Variants in CSMD1 observed in about 807,000 individuals in gnomAD.
CSMD1 encodes CUB and Sushi multiple domains 1.
A neutral mutation model predicts 417.5 loss-of-function variants in CSMD1; 213 were observed. That is an observed-to-expected ratio of 0.51 (90% confidence interval 0.46 to 0.57). The LOEUF (loss-of-function observed/expected upper bound fraction) is 0.57. Ranked by LOEUF, CSMD1 falls within the 20% of genes least tolerant of loss-of-function variation. The pLI is 0.00. For synonymous variants in CSMD1, 2,862 were observed against 1,736.8 expected (o/e 1.65, Z -16.11); for missense variants, 6,923 against 4,529.7 (o/e 1.53, Z -15.17).
At chr8:4,243,398 C>G (rs919975973) in intron 3 of CSMD1, among the ~76,000 whole-genome samples, 1 of 152,122 alleles carries the variant, frequency 6.6e-6, no homozygotes, top group Non-Finnish European at 1.5e-5. Flanking sequence ...GAGAGAATGA[C>G]TCATCCTCTA....
At chr8:3,126,675 C>T (rs899673657) in intron 41 of CSMD1, among the ~76,000 whole-genome samples, 5 of 152,194 alleles carry the variant, frequency 3.3e-5, no homozygotes, top group African/African-American at 1.2e-4. Context: ...CCAAGGATAT[C>T]ACCCTGGTTC....
At chr8:3,920,652 C>T (rs1451915677) in intron 5 of CSMD1, among the ~76,000 whole-genome samples, 1 of 152,024 alleles carries the variant, frequency 6.6e-6, no homozygotes, top group Non-Finnish European at 1.5e-5. Context: ...TATATTCCTT[C>T]AACACATAAT....
intron 50 of CSMD1, among the ~76,000 whole-genome samples, chr8:3,037,065 CA>C (rs1354718562): frequency 6.6e-6 from 1 of 152,176 alleles, no homozygotes; most frequent in Non-Finnish European, 1.5e-5. Context: ...AAAGTGAGAA[CA>C]TAACGATATT....
At chr8:4,524,590 T>G (rs1353473970) in intron 2 of CSMD1, among the ~76,000 whole-genome samples, 1 of 124,900 alleles carries the variant, frequency 8.0e-6, no homozygotes, top group East Asian at 2.5e-4. Context: ...TTTTTTTTGG[T>G]TTGGTTTGGG....
At chr8:4,567,889 A>AT (rs917464453) in intron 2 of CSMD1, among the ~76,000 whole-genome samples, 1 of 152,182 alleles carries the variant, frequency 6.6e-6, no homozygotes, top group Non-Finnish European at 1.5e-5. Flanking sequence ...TAGTCTTTTC[A>AT]TTTTTTAATG....
chr8:4,917,944 A>G lies in CSMD1; in HGVS notation c.85+76388T>C, dbSNP rs1001320723. Among the ~76,000 whole-genome samples, 12 of 152,330 alleles carry G rather than the reference A, an allele frequency of 7.9e-5. No homozygotes were observed. In the East Asian group the frequency reaches 2.1e-3, roughly 27 times the overall value. ...ATTTACAATCAGAAGTTGATACAGA[A>G]AATATGCTAAGGTCTATTTAGTAGA... is the stretch of plus-strand genomic sequence containing the variant. On this transcript the variant is annotated intron_variant, in intron 1 of 69. Coordinates refer to ENST00000635120, the MANE Select transcript of CSMD1 (RefSeq NM_033225.6).
At position 3,528,012 on chromosome 8, in the gene CSMD1, C is replaced by A. The variant is rs146504781; in HGVS notation, c.1345-34286G>T. ...GTACTTCTCCCTGGGTTTCTGACAA[C>A]CAAAACTGTCTCCAGCCATTGCCAT... On this transcript the variant is annotated intron_variant, in intron 10 of 69. Coordinates refer to ENST00000635120, the MANE Select transcript of CSMD1 (RefSeq NM_033225.6). 1.9e-3 allele frequency among the ~76,000 whole-genome samples: 296 copies of A among 152,236 alleles called. 3 individuals are homozygous for A. Among genetic ancestry groups the A allele is most frequent in the African/African-American group, 6.6e-3 (273 of 41,548 alleles).
chr8:3,979,889 T>G (rs1226634168), intron 5 of CSMD1, among the ~76,000 whole-genome samples: 1 of 152,224 alleles, frequency 6.6e-6, no homozygotes, highest in African/African-American at 2.4e-5. Flanking sequence ...AAATAAACTT[T>G]GTAAACTGAA....
intron 1 of CSMD1, among the ~76,000 whole-genome samples, chr8:4,901,996 A>C (rs191564945): frequency 5.3e-5 from 8 of 152,220 alleles, no homozygotes; most frequent in African/African-American, 1.9e-4. Flanking sequence ...AACATCATTT[A>C]AGAGGCTGTA....
At chr8:4,008,368 G>C (rs963883121) in intron 4 of CSMD1, among the ~76,000 whole-genome samples, 2 of 151,634 alleles carry the variant, frequency 1.3e-5, no homozygotes, top group Admixed American at 6.6e-5. Flanking sequence ...ATACTAATAA[G>C]CATGAAAATA....
chr8:4,609,902 G>T (rs1023883089), intron 2 of CSMD1, among the ~76,000 whole-genome samples: 1 of 152,034 alleles, frequency 6.6e-6, no homozygotes, highest in African/African-American at 2.4e-5. Context: ...CAAAAAGAAG[G>T]ATCCCCTTTA....
At chr8:3,016,845 G>A (rs1057371340) in intron 52 of CSMD1, among the ~76,000 whole-genome samples, 7 of 152,030 alleles carry the variant, frequency 4.6e-5, no homozygotes, top group Non-Finnish European at 1.0e-4. Context: ...ACTGAGACAT[G>A]TTTGGGGGCA....
intron 5 of CSMD1, among the ~76,000 whole-genome samples, chr8:3,896,398 A>G (rs1483016608): frequency 2.6e-5 from 4 of 152,228 alleles, no homozygotes; most frequent in African/African-American, 9.6e-5. Context: ...AACAGTGATT[A>G]ATCTTCACAT....
intron 5 of CSMD1, among the ~76,000 whole-genome samples, chr8:3,974,998 C>G (rs914100261): frequency 5.9e-5 from 9 of 152,228 alleles, no homozygotes; most frequent in African/African-American, 2.2e-4. Context: ...TGCTTGAGTT[C>G]TTTGCAGTGA....
chr8:4,548,929 C>G (rs751499836), intron 2 of CSMD1, among the ~76,000 whole-genome samples: 1 of 152,096 alleles, frequency 6.6e-6, no homozygotes, highest in South Asian at 2.1e-4. Context: ...TTTCTCTTAC[C>G]TCCATATTTG....
At chr8:3,418,984 G>C (rs1030643326) in intron 12 of CSMD1, among the ~76,000 whole-genome samples, 2 of 152,170 alleles carry the variant, frequency 1.3e-5, no homozygotes, top group African/African-American at 4.8e-5. Context: ...ATTTAGTCCT[G>C]AAAAATCATC....
In CSMD1 at chr8:4,428,638, C is replaced by A. The variant is rs546931730; in HGVS notation, c.303-8573G>T. On this transcript the variant is annotated intron_variant, in intron 2 of 69. Transcript: ENST00000635120. ...GTTCCTTTAGGAAACACGGAAACTACAGAACTTTTAGGGCTTATTAAAATA... is the reference window on the plus strand; with the variant it reads ...GTTCCTTTAGGAAACACGGAAACTAAAGAACTTTTAGGGCTTATTAAAATA... 2.0e-4 allele frequency among the ~76,000 whole-genome samples: 30 copies of A among 152,138 alleles called. No individual in the cohort carries two copies. The East Asian group carries it at 2.1e-3, about 11-fold the overall frequency.
At chr8:4,070,526 T>A (rs1413075731) in intron 3 of CSMD1, among the ~76,000 whole-genome samples, 1 of 152,054 alleles carries the variant, frequency 6.6e-6, no homozygotes, top group African/African-American at 2.4e-5. Flanking sequence ...GCCGGCTATT[T>A]TTTTGTATTT....
At chr8:3,856,277 C>T (rs966809674) in intron 5 of CSMD1, among the ~76,000 whole-genome samples, 3 of 152,140 alleles carry the variant, frequency 2.0e-5, no homozygotes, top group Non-Finnish European at 4.4e-5. Context: ...GTAAGACACA[C>T]CTGCTTCCGC....
Sources: gnomAD v4.1 joint callset for allele counts (sites outside exome capture counted in the v4.1 genomes callset) on GRCh38, gnomAD v4.1.1 for gene constraint, MANE v1.5 for transcripts, NCBI Gene and HGNC (gene_info 2026-07-23, HGNC 2026-07-21) for gene names.